The following INO80 variants were observed in gnomAD, a reference collection of about 807,000 sequenced individuals.
INO80 encodes the protein INO80 complex ATPase subunit.
A neutral mutation model predicts 203.4 loss-of-function variants in INO80; 20 were observed. The ratio of observed to expected loss-of-function variants is 0.10; its 90% confidence interval spans 0.07 to 0.14. INO80 has a LOEUF of 0.14. INO80 is among the 10% of genes least tolerant of loss of function. The probability of loss-of-function intolerance (pLI) is 1.00; values close to 1 mark genes in which losing one functional copy is unlikely to be tolerated. For synonymous variants in INO80, 726 were observed against 685.2 expected (o/e 1.06, Z -0.93); for missense variants, 1,419 against 1,914.4 (o/e 0.74, Z 4.83).
chr15:41,100,707 T>G (rs1325885223), intron 1 of INO80, among the ~76,000 whole-genome samples: 1 of 152,214 alleles, frequency 6.6e-6, no homozygotes, highest in Non-Finnish European at 1.5e-5. Context: ...AGTGTTCAAT[T>G]TTTTTCTTTA....
chr15:41,061,540 T>C (rs926895572), intron 14 of INO80, among the ~76,000 whole-genome samples: 6 of 150,062 alleles, frequency 4.0e-5, no homozygotes, highest in Non-Finnish European at 5.9e-5. Flanking sequence ...GGAAAATCGC[T>C]TGAACCCAGG....
chr15:41,050,724 G>A (rs1038940118), intron 19 of INO80, among the ~76,000 whole-genome samples: 4 of 152,070 alleles, frequency 2.6e-5, no homozygotes, highest in African/African-American at 4.8e-5. Flanking sequence ...AGTTTCTTCC[G>A]GTTGTGATAT....
At chr15:41,017,184 A>C (rs2140459669) in intron 26 of INO80, 1 of 152,160 alleles carries the variant, frequency 6.6e-6, no homozygotes, top group South Asian at 2.1e-4. Flanking sequence ...TTCTCACAAG[A>C]AAAGCATTTC....
intron 6 of INO80, among the ~76,000 whole-genome samples, chr15:41,086,378 C>A (rs1268130666): frequency 1.3e-5 from 2 of 152,058 alleles, no homozygotes; most frequent in Non-Finnish European, 2.9e-5. Context: ...AAGCCAGGTG[C>A]GATGGCTCAC....
At chr15:41,042,299 C>A (rs1462727784) in intron 24 of INO80, among the ~76,000 whole-genome samples, 1 of 152,054 alleles carries the variant, frequency 6.6e-6, no homozygotes, top group Non-Finnish European at 1.5e-5. Context: ...CAAGGGTAAG[C>A]CACCACGCCC....
chr15:41,031,786 C>T (rs563605005), intron 24 of INO80, among the ~76,000 whole-genome samples: 1 of 152,078 alleles, frequency 6.6e-6, no homozygotes, highest in Admixed American at 6.6e-5. Flanking sequence ...CGTCTTGCCG[C>T]CAGGACTATA....
At chr15:40,986,643 A>T (rs955571079) in intron 31 of INO80, among the ~76,000 whole-genome samples, 1 of 140,902 alleles carries the variant, frequency 7.1e-6, no homozygotes, top group Non-Finnish European at 1.6e-5. Context: ...TTGTTTTTAA[A>T]AGATGGAGTT....
chr15:41,019,663 A>C (rs1482597315), intron 26 of INO80: 1 of 152,108 alleles, frequency 6.6e-6, no homozygotes, highest in Non-Finnish European at 1.5e-5. Context: ...TCCCCCACTG[A>C]TTTTCAAACA....
At chr15:41,011,585 T>C (rs190812236) in intron 27 of INO80, 1 of 152,270 alleles carries the variant, frequency 6.6e-6, no homozygotes, top group East Asian at 1.9e-4. Flanking sequence ...TTCTTTCTTT[T>C]TTTTTTTTTG....
chr15:41,053,773 AT>A (rs2044930331), intron 19 of INO80, among the ~76,000 whole-genome samples, 155 bp downstream of exon 19: 1 of 152,088 alleles, frequency 6.6e-6, no homozygotes, highest in South Asian at 2.1e-4. Flanking sequence ...ATTTTCCTCA[AT>A]TATTTGCCTC....
intron 35 of INO80, 130 bp from the exon 36 acceptor site, chr15:40,980,570 C>A (rs1893789885): frequency 4.6e-6 from 3 of 651,912 alleles, no homozygotes; most frequent in Non-Finnish European, 8.2e-6. Context: ...CCACTCCTTG[C>A]TAACAACTTC....
At chr15:41,066,846 C>CAAAAAAAAAAAAAAAAA (rs58118605) in intron 14 of INO80, among the ~76,000 whole-genome samples, 3 of 70,620 alleles carry the variant, frequency 4.2e-5, no homozygotes, top group Non-Finnish European at 1.0e-4. Flanking sequence ...AAAAAAAAAG[C>CAAAAAAAAAAAAAAAAA]AAAAAAAAAA....
Position 41,099,270 on chromosome 15 carries a change from AACACAC to A in INO80, c.-43-2923_-43-2918del, listed in dbSNP as rs376598717. Among the ~76,000 whole-genome samples the A allele has an allele frequency of 1.8e-4, 23 of 124,504 alleles. No individual in the cohort carries two copies. In the East Asian group the frequency reaches 3.1e-3, roughly 17 times the overall value. 81.7% of individuals were successfully genotyped at this position (124,504 alleles called of 152,430 possible). On this transcript the variant is annotated intron_variant, in intron 1 of 35. Transcript: ENST00000648947. The stretch of plus-strand genomic sequence containing the variant: ...AAAAAAAAAAAAAAAAAAAAAAACA[AACACAC>A]ACACACACACACAACAAGAGAGTGA...
Position 41,050,121 on chromosome 15 carries a change from A to G in INO80, c.2275-19T>C, listed in dbSNP as rs1336303892. 1 of 1,573,508 alleles carries G rather than the reference A, an allele frequency of 6.4e-7. No individual in the cohort carries two copies. Among genetic ancestry groups the G allele is most frequent in the South Asian group, 1.1e-5 (1 of 88,956 alleles). On this transcript the variant is annotated intron_variant, in intron 19 of 35. Coordinates refer to ENST00000648947, the MANE Select transcript of INO80 (RefSeq NM_017553.3). ...TCTCAATCTAAAAATCAATAAGAACATTTATATTTGGAAAAGTAGTTTTTA... is the reference window on the plus strand; with the variant it reads ...TCTCAATCTAAAAATCAATAAGAACGTTTATATTTGGAAAAGTAGTTTTTA...
intron 24 of INO80, among the ~76,000 whole-genome samples, chr15:41,043,016 T>C (rs2044696016): frequency 6.6e-6 from 1 of 152,218 alleles, no homozygotes; most frequent in Admixed American, 6.5e-5. Flanking sequence ...TTCAACTGCG[T>C]AAACATATTT....
intron 9 of INO80, among the ~76,000 whole-genome samples, chr15:41,078,924 T>C (rs2045443570): frequency 6.6e-6 from 1 of 152,144 alleles, no homozygotes; most frequent in South Asian, 2.1e-4. Flanking sequence ...GCGTATCATC[T>C]GAGCTCAGGA....
chr15:41,038,512 C>T (rs539524400), intron 24 of INO80, among the ~76,000 whole-genome samples: 1 of 152,278 alleles, frequency 6.6e-6, no homozygotes, highest in East Asian at 1.9e-4. Context: ...TCTGTACTCA[C>T]AATCAAAGAG....
chr15:41,076,111 G>A (rs562088744), intron 9 of INO80, among the ~76,000 whole-genome samples: 7 of 151,736 alleles, frequency 4.6e-5, no homozygotes, highest in African/African-American at 1.2e-4. Context: ...CTATAATCCC[G>A]GCACTTTGGG....
intron 7 of INO80, among the ~76,000 whole-genome samples, chr15:41,081,710 G>A (rs559031954): frequency 6.6e-6 from 1 of 152,130 alleles, no homozygotes; most frequent in East Asian, 1.9e-4. Flanking sequence ...ATGTCTATTT[G>A]ACATGGAAGA....
Sources: gnomAD v4.1 joint callset for allele counts (sites outside exome capture counted in the v4.1 genomes callset) on GRCh38, gnomAD v4.1.1 for gene constraint, MANE v1.5 for transcripts, NCBI Gene and HGNC (gene_info 2026-07-23, HGNC 2026-07-21) for gene names.